The following DMGDH variants were observed in gnomAD, a reference collection of about 807,000 sequenced individuals.
DMGDH encodes the protein dimethylglycine dehydrogenase.
DMGDH carries 76 observed loss-of-function variants against 95.2 expected under a neutral mutation model. The ratio of observed to expected loss-of-function variants is 0.80; its 90% CI spans 0.66 to 0.97. DMGDH has a LOEUF of 0.97. Ranked by LOEUF, DMGDH falls within the 50% of genes least tolerant of loss-of-function variation. The pLI is 0.00. For synonymous variants in DMGDH, 345 were observed against 377.6 expected (o/e 0.91, Z 1.00); for missense variants, 987 against 1,055.0 (o/e 0.94, Z 0.89).
chr5:79,065,827 C>T (rs10056330), intron 1 of DMGDH, among the ~76,000 whole-genome samples: 61,891 of 152,040 alleles, frequency 0.41, 15,197 homozygotes, highest in East Asian at 0.64. Flanking sequence ...TATGACATCA[C>T]TGGGTGATAG....
chr5:79,034,950 G>A (rs923964166), intron 7 of DMGDH, among the ~76,000 whole-genome samples: 1 of 150,030 alleles, frequency 6.7e-6, no homozygotes, highest in Non-Finnish European at 1.5e-5. Flanking sequence ...CCAGCTACTT[G>A]GGAGGCTGAG....
intron 11 of DMGDH, 42 bp downstream of exon 11, chr5:79,029,862 T>C (rs1754105554): frequency 1.2e-6 from 2 of 1,604,148 alleles, no homozygotes; most frequent in African/African-American, 1.3e-5. Context: ...ATTGAGTCAA[T>C]ATATAATGTG....
At chr5:79,000,852 C>T (rs935623798) in intron 15 of DMGDH, 1 of 639,354 alleles carries the variant, frequency 1.6e-6, no homozygotes, top group Non-Finnish European at 2.8e-6. Flanking sequence ...TATATATTTC[C>T]TCAGGCTATT....
At chr5:79,041,938 C>T (rs111809484) in intron 7 of DMGDH, among the ~76,000 whole-genome samples, 10,634 of 152,054 alleles carry the variant, frequency 0.07, 842 homozygotes, top group African/African-American at 0.18. Flanking sequence ...AGGCAGAAGT[C>T]GCAGTGAGTC....
chr5:79,001,120 T>C, intron 15 of DMGDH: 1 of 585,386 alleles, frequency 1.7e-6, no homozygotes, highest in East Asian at 2.8e-5. Context: ...CCCTCAGCCA[T>C]GTAGCCCTGG....
At chr5:79,040,886 T>C (rs944274706) in intron 7 of DMGDH, among the ~76,000 whole-genome samples, 12 of 151,816 alleles carry the variant, frequency 7.9e-5, no homozygotes, top group Middle Eastern at 3.4e-3. Context: ...ATATGGACTC[T>C]ATAGGTGACT....
intron 7 of DMGDH, among the ~76,000 whole-genome samples, chr5:79,034,698 A>G (rs1260966872): frequency 6.6e-6 from 1 of 152,198 alleles, no homozygotes; most frequent in African/African-American, 2.4e-5. Context: ...TGAAAATGTT[A>G]ACTAACTTTT....
chr5:79,063,024 G>A (rs1025722421), intron 2 of DMGDH, among the ~76,000 whole-genome samples: 4 of 151,924 alleles, frequency 2.6e-5, no homozygotes, highest in Admixed American at 6.6e-5. Flanking sequence ...CCTGGGAGGC[G>A]GAAGTTGCAG....
intron 2 of DMGDH, among the ~76,000 whole-genome samples, chr5:79,059,498 G>T (rs1324841028): frequency 6.6e-6 from 1 of 152,208 alleles, no homozygotes; most frequent in Non-Finnish European, 1.5e-5. Flanking sequence ...TTACAAACTA[G>T]TTGGAAGGTA....
In DMGDH at chr5:79,033,523, C is replaced by T. The variant is rs1304225137; in HGVS notation, c.1194-115G>A. On this transcript the variant is annotated intron_variant, in intron 7 of 15. Transcript: ENST00000255189. ...GGACTGTTCTGTGCTAATCAGAACA[C>T]ACAAGTAACATAATCTCTATGGAAC... 7 of 1,218,540 alleles carry T rather than the reference C, an allele frequency of 5.7e-6. No homozygotes were observed. In the African/African-American group the frequency reaches 1.0e-4, roughly 18 times the overall value. 75.5% of individuals were successfully genotyped at this position (1,218,540 alleles called of 1,614,324 possible).
intron 6 of DMGDH, 115 bp from the exon 7 acceptor site, chr5:79,042,596 G>A: frequency 1.0e-6 from 1 of 956,078 alleles, no homozygotes; most frequent in Non-Finnish European, 1.7e-6. Context: ...GGAAAGTACT[G>A]CCATTTTTTG....
chr5:79,024,662 C>T (rs933174707), intron 13 of DMGDH, among the ~76,000 whole-genome samples: 6 of 152,202 alleles, frequency 3.9e-5, no homozygotes, highest in African/African-American at 1.4e-4. Context: ...AATAATTTTA[C>T]ATAACTACGT....
Position 79,044,569 on chromosome 5 carries a change from A to C in DMGDH, c.746-17T>G. On this transcript the variant is annotated splice_polypyrimidine_tract_variant and intron_variant, in intron 5 of 15. Transcript: ENST00000255189. The stretch of plus-strand genomic sequence containing the variant: ...CCCAAAATCCTTAAACAAAAAAATC[A>C]TTTAAAAGTGTCAGCCCATATATAA... The C allele has an allele frequency of 6.2e-7, 1 of 1,613,556 alleles. No individual in the cohort carries two copies. Among genetic ancestry groups the C allele is most frequent in the South Asian group, 1.1e-5 (1 of 91,064 alleles).
intron 15 of DMGDH, among the ~76,000 whole-genome samples, chr5:79,003,100 T>C (rs538082266): frequency 3.9e-5 from 6 of 152,350 alleles, no homozygotes; most frequent in Middle Eastern, 3.4e-3. Context: ...CAGAATAATA[T>C]AGCATAATAT....
intron 6 of DMGDH, among the ~76,000 whole-genome samples, chr5:79,043,240 G>A (rs1197630544): frequency 6.6e-5 from 10 of 152,148 alleles, no homozygotes; most frequent in Admixed American, 6.5e-4. Flanking sequence ...GGGTACCCAT[G>A]CTCACAGACA....
intron 6 of DMGDH, 119 bp from the exon 7 acceptor site, chr5:79,042,600 T>A (rs1754542404): frequency 2.1e-6 from 2 of 930,276 alleles, no homozygotes; most frequent in Admixed American, 1.9e-5. Context: ...AGTACTGCCA[T>A]TTTTTGTTAA....
At chr5:79,059,267 T>A (rs1755125453) in intron 2 of DMGDH, among the ~76,000 whole-genome samples, 2 of 152,262 alleles carry the variant, frequency 1.3e-5, no homozygotes, top group Admixed American at 1.3e-4. Context: ...TACAGCGATG[T>A]GAAGGCCTGG....
chr5:79,035,741 CGG>C (rs57292208), intron 7 of DMGDH, among the ~76,000 whole-genome samples: 1 of 129,090 alleles, frequency 7.7e-6, no homozygotes, highest in South Asian at 2.6e-4. Flanking sequence ...GAGTGGTGGG[CGG>C]GGGGGGAATC....
intron 9 of DMGDH, among the ~76,000 whole-genome samples, chr5:79,031,405 G>GT (rs1481835908): frequency 6.6e-6 from 1 of 152,194 alleles, no homozygotes; most frequent in Non-Finnish European, 1.5e-5. Flanking sequence ...GGGAGGCGGG[G>GT]TGGAGCTGTC....
Sources: gnomAD v4.1 joint callset for allele counts (sites outside exome capture counted in the v4.1 genomes callset) on GRCh38, gnomAD v4.1.1 for gene constraint, MANE v1.5 for transcripts, NCBI Gene and HGNC (gene_info 2026-07-23, HGNC 2026-07-21) for gene names.